PDXDC1: variants seen among roughly 807,000 people sequenced by gnomAD.
PDXDC1 encodes pyridoxal dependent decarboxylase domain containing 1, also known as pyridoxal-dependent decarboxylase domain-containing protein 1.
A neutral mutation model predicts 100.1 loss-of-function variants in PDXDC1; 42 were observed. The observed-to-expected ratio is 0.42, with a 90% CI of 0.33 to 0.54. The LOEUF is 0.54. Ranked by LOEUF, PDXDC1 falls within the 20% of genes least tolerant of loss-of-function variation. The pLI is 0.10. For synonymous variants in PDXDC1, 260 were observed against 371.7 expected, an observed-to-expected ratio of 0.70 and a Z score of 3.46; for missense variants, 636 against 979.2, an observed-to-expected ratio of 0.65 and a Z score of 4.68.
rs531373429 is a variant in PDXDC1, at chr16:15,092,920, T to C, written c.1400-45959T>C. 5.3e-5 allele frequency among the ~76,000 whole-genome samples: 8 copies of C among 152,338 alleles called. No homozygotes were observed. The South Asian group carries it at 1.7e-3, about 32-fold the overall frequency. On this transcript the variant is annotated intron_variant, in intron 16 of 16. Transcript: ENST00000535621. ...GTTTTACTACAGCCATAACGTCTTTTCTGCTCTTCAAACAAGCCAAGCTGT... is the reference window on the plus strand; with the variant it reads ...GTTTTACTACAGCCATAACGTCTTTCCTGCTCTTCAAACAAGCCAAGCTGT...
intron 16 of PDXDC1, among the ~76,000 whole-genome samples, chr16:15,106,557 C>CATCCT (rs1457554100): frequency 1.3e-5 from 2 of 150,090 alleles, no homozygotes; most frequent in Non-Finnish European, 3.0e-5. Flanking sequence ...AGATTGAGAC[C>CATCCT]ATCCTGGCTA....
At chr16:14,978,094 A>G (rs1440509021) in intron 1 of PDXDC1, among the ~76,000 whole-genome samples, 5 of 152,048 alleles carry the variant, frequency 3.3e-5, no homozygotes, top group Admixed American at 1.3e-4. Context: ...TTTTCTCGTC[A>G]CGATTTGCTT....
At chr16:15,094,288 G>A in intron 16 of PDXDC1, 1 of 1,403,376 alleles carries the variant, frequency 7.1e-7, no homozygotes, top group Non-Finnish European at 9.8e-7. Flanking sequence ...GCTCCTTCCA[G>A]CCACAGCCTC....
chr16:15,037,917 A>AG lies in PDXDC1; in HGVS notation c.*1644dup. On this transcript the variant is annotated 3_prime_UTR_variant, in exon 23 of 23. Coordinates refer to ENST00000396410, the MANE Select transcript of PDXDC1 (RefSeq NM_015027.4). Reference sequence around the variant, plus strand: ...GATGAAAGTCATTTGAAAGACACTGAGGAGGGAAGGAGGCCTAAGACCCAA... The same window carrying AG: ...GATGAAAGTCATTTGAAAGACACTGAGGGAGGGAAGGAGGCCTAAGACCCAA... 6.2e-6 allele frequency: 4 copies of AG among 646,774 alleles called. No individual in the cohort carries two copies. The highest frequency in any genetic ancestry group is 1.1e-5 in the Non-Finnish European group (4 of 369,668). The allele number at this position is 646,774 out of a possible 1,614,324, so 40.1% of individuals were successfully genotyped here.
At chr16:15,034,648 C>G (rs1297660843) in intron 21 of PDXDC1, 95 bp downstream of exon 21, 2 of 902,484 alleles carry the variant, frequency 2.2e-6, no homozygotes, top group African/African-American at 3.3e-5. Context: ...GAATCCCGCC[C>G]TGGTTCCCGT....
intron 16 of PDXDC1, among the ~76,000 whole-genome samples, chr16:15,062,686 G>A (rs1327967609): frequency 2.7e-5 from 4 of 147,830 alleles, no homozygotes; most frequent in African/African-American, 4.9e-5. Flanking sequence ...GTAAGAATGC[G>A]CAAGTGGCAA....
intron 19 of PDXDC1, chr16:15,034,054 C>G: frequency 1.7e-6 from 1 of 584,000 alleles, no homozygotes. Context: ...TATGACTTCT[C>G]TGTTTTCAAG....
In PDXDC1 at chr16:14,975,085, C is replaced by G. The variant is rs1966587400; in HGVS notation, c.-115C>G. 4.7e-6 allele frequency: 7 copies of G among 1,473,908 alleles called. No individual in the cohort carries two copies. The highest frequency in any genetic ancestry group is 6.2e-6 in the Non-Finnish European group (7 of 1,123,970). 91.3% of individuals were successfully genotyped at this position (1,473,908 alleles called of 1,614,324 possible). On this transcript the variant is annotated 5_prime_UTR_variant, in exon 1 of 23. Coordinates refer to ENST00000396410, the MANE Select transcript of PDXDC1 (RefSeq NM_015027.4). Reference sequence around the variant, plus strand: ...GCCTGGCAGCTCCTCCTCTTCTCCGCCCCGCCGGCCGCGGGCGCGGGGGAC... The same window carrying G: ...GCCTGGCAGCTCCTCCTCTTCTCCGGCCCGCCGGCCGCGGGCGCGGGGGAC...
chr16:15,112,273 C>T (rs2151875669), intron 16 of PDXDC1, among the ~76,000 whole-genome samples: 1 of 148,536 alleles, frequency 6.7e-6, no homozygotes. Flanking sequence ...TGCTGAAGTG[C>T]AGTGGCGCTA....
At position 15,128,364 on chromosome 16, in the gene PDXDC1, C is replaced by T. The variant is rs746340443; in HGVS notation, c.1400-10515C>T. On this transcript the variant is annotated intron_variant, in intron 16 of 16. Coordinates refer to the PDXDC1 transcript ENST00000535621. The stretch of plus-strand genomic sequence containing the variant: ...CGCTCCGGCTGTCCACCCCATACAG[C>T]ATGATGCCCACGTGGGCCGTGGTAC... 1.6e-5 allele frequency: 25 copies of T among 1,604,272 alleles called. 2 individuals are homozygous for T. In the Admixed American group the frequency reaches 2.5e-4, roughly 16 times the overall value.
chr16:14,995,409 T>A, intron 1 of PDXDC1, among the ~76,000 whole-genome samples: 1 of 152,298 alleles, frequency 6.6e-6, no homozygotes, highest in East Asian at 1.9e-4. Flanking sequence ...CGTATGGTTT[T>A]TGTTGTTGGT....
chr16:15,134,407 G>C (rs1598271011), intron 16 of PDXDC1: 3 of 572,506 alleles, frequency 5.2e-6, no homozygotes, highest in East Asian at 3.2e-5. Flanking sequence ...AGGTCTGGGG[G>C]ACCCGTGGAG....
chr16:15,050,473 C>CTGTA (rs1301354278), intron 16 of PDXDC1, among the ~76,000 whole-genome samples: 1 of 152,188 alleles, frequency 6.6e-6, no homozygotes, highest in Non-Finnish European at 1.5e-5. Context: ...TGGCTCCCAA[C>CTGTA]TGTAATTCCA....
intron 16 of PDXDC1, among the ~76,000 whole-genome samples, chr16:15,057,452 TAAG>T (rs762388893): frequency 1.2e-3 from 188 of 152,298 alleles, no homozygotes; most frequent in Non-Finnish European, 1.1e-3. Context: ...GTGGTAGAAA[TAAG>T]TAGTAGAACG....
At chr16:15,039,937 T>TA (rs397765660), downstream of PDXDC1, 2 of 1,267,728 alleles carry the variant, frequency 1.6e-6, no homozygotes, top group Non-Finnish European at 2.3e-6. Context: ...TTTTTTTTTT[T>TA]AACCCCTTAA....
At chr16:15,095,561 A>AT (rs758193496) in intron 16 of PDXDC1, among the ~76,000 whole-genome samples, 3 of 152,092 alleles carry the variant, frequency 2.0e-5, no homozygotes, top group Admixed American at 6.5e-5. Context: ...TTAAAAATGC[A>AT]TATGTATGGG....
At chr16:15,061,891 A>G (rs1347683268) in intron 16 of PDXDC1, 1 of 1,612,366 alleles carries the variant, frequency 6.2e-7, no homozygotes, top group Non-Finnish European at 8.5e-7. Flanking sequence ...CATCATCTTC[A>G]TCTTCCACTA....
At chr16:15,004,985 G>A (rs1388380493) in intron 5 of PDXDC1, among the ~76,000 whole-genome samples, 1 of 152,292 alleles carries the variant, frequency 6.6e-6, no homozygotes, top group Non-Finnish European at 1.5e-5. Flanking sequence ...CTCATGCTTG[G>A]TTGAATCCAC....
downstream of PDXDC1, chr16:15,040,267 G>C (rs970167045): frequency 2.7e-5 from 12 of 436,636 alleles, no homozygotes; most frequent in Non-Finnish European, 4.4e-5. Context: ...GCTGAGGCTC[G>C]AGCTGGACTC....
Sources: gnomAD v4.1 joint callset for allele counts (sites outside exome capture counted in the v4.1 genomes callset) on GRCh38, gnomAD v4.1.1 for gene constraint, MANE v1.5 for transcripts, NCBI Gene and HGNC (gene_info 2026-07-23, HGNC 2026-07-21) for gene names.